Variants in HECW1 observed in about 807,000 individuals in gnomAD.
HECW1 encodes HECT, C2 and WW domain containing E3 ubiquitin protein ligase 1.
In HECW1, 61 loss-of-function variants were observed where a neutral mutation model predicts 182.3. That is an observed-to-expected ratio of 0.33 (90% CI 0.27 to 0.41). The LOEUF is 0.41. HECW1 is among the 10% of genes least tolerant of loss of function. HECW1 has a pLI of 1.00. For synonymous variants in HECW1, 859 were observed against 832.6 expected, an observed-to-expected ratio of 1.03 and a Z score of -0.55; for missense variants, 1,739 against 2,108.9, an observed-to-expected ratio of 0.82 and a Z score of 3.44.
At chr7:43,364,301 C>T (rs1816340214) in intron 6 of HECW1, among the ~76,000 whole-genome samples, 1 of 152,152 alleles carries the variant, frequency 6.6e-6, no homozygotes, top group Admixed American at 6.5e-5. Flanking sequence ...GTCCCATGGG[C>T]AACTGTTGAG....
chr7:43,171,078 G>A (rs566261722), intron 2 of HECW1, among the ~76,000 whole-genome samples: 148 of 152,292 alleles, frequency 9.7e-4, no homozygotes, highest in Non-Finnish European at 1.9e-3. Context: ...GCACAAGCAT[G>A]AAAATCCATG....
At chr7:43,202,993 G>A (rs530519859) in intron 2 of HECW1, among the ~76,000 whole-genome samples, 12 of 151,182 alleles carry the variant, frequency 7.9e-5, no homozygotes, top group Admixed American at 3.3e-4. Context: ...ATCTCCCTTC[G>A]CTGATTCTCT....
intron 2 of HECW1, among the ~76,000 whole-genome samples, chr7:43,220,228 C>A (rs1584031309): frequency 1.3e-5 from 2 of 152,302 alleles, no homozygotes; most frequent in Middle Eastern, 6.8e-3. Context: ...TCAGAACCTG[C>A]CAAAAGAAGA....
intron 23 of HECW1, 54 bp from the exon 24 acceptor site, chr7:43,508,915 T>A: frequency 6.3e-7 from 1 of 1,588,478 alleles, no homozygotes; most frequent in Non-Finnish European, 8.6e-7. Flanking sequence ...TGCAAACAGG[T>A]CCCCCCACCT....
intron 8 of HECW1, among the ~76,000 whole-genome samples, chr7:43,412,725 T>C (rs1353804193): frequency 2.0e-5 from 3 of 151,514 alleles, no homozygotes; most frequent in African/African-American, 7.3e-5. Context: ...GTTCTTGCGA[T>C]AGTTTACTGA....
chr7:43,223,111 G>T (rs932520901), intron 2 of HECW1, among the ~76,000 whole-genome samples: 9 of 152,168 alleles, frequency 5.9e-5, no homozygotes, highest in Non-Finnish European at 1.3e-4. Flanking sequence ...GTTAAAAAAT[G>T]AAGTCATCCT....
rs769168702 is a variant in HECW1 at position 43,469,046 on chromosome 7, G to T, written c.3040G>T (p.Ala1014Ser). The change falls in exon 16 of 30, where the codon GCA becomes TCA. Residue 1014 changes from alanine to serine, a missense_variant. By Grantham distance (99) the Ala-to-Ser change is moderately conservative. Coordinates refer to ENST00000395891, the MANE Select transcript of HECW1 (RefSeq NM_015052.5). The stretch of plus-strand genomic sequence containing the variant: ...CTTGGTGAATTTCATCAACATGTTC[G>T]CAGACACTCGGCTGGAACTGCCCCG... ...RDLVNFINMF[A>S]DTRLELPRGW... is the part of the protein sequence containing the mutation. 9 of 1,614,168 alleles carry T rather than the reference G, an allele frequency of 5.6e-6. No homozygotes were observed. In the Admixed American group the frequency reaches 1.0e-4, roughly 18 times the overall value.
intron 6 of HECW1, among the ~76,000 whole-genome samples, chr7:43,392,333 G>A (rs2075062419): frequency 6.6e-6 from 1 of 152,144 alleles, no homozygotes; most frequent in African/African-American, 2.4e-5. Flanking sequence ...AGCATAATGT[G>A]GCCACACTCC....
intron 29 of HECW1, among the ~76,000 whole-genome samples, chr7:43,557,446 G>A (rs1180146462): frequency 6.6e-6 from 1 of 152,174 alleles, no homozygotes; most frequent in Non-Finnish European, 1.5e-5. Flanking sequence ...GATGTGTGAG[G>A]GCCAGGAGAA....
intron 3 of HECW1, chr7:43,248,717 C>CTCCTTT (rs1238412724): frequency 1.3e-5 from 2 of 148,478 alleles, no homozygotes; most frequent in Non-Finnish European, 3.0e-5. Context: ...CCTCCTCCTC[C>CTCCTTT]TCCTCCTCCT....
chr7:43,346,306 G>T (rs558568879), intron 5 of HECW1, among the ~76,000 whole-genome samples: 31 of 152,132 alleles, frequency 2.0e-4, no homozygotes, highest in African/African-American at 6.3e-4. Flanking sequence ...TTTGAGAATT[G>T]TCTATTCACG....
intron 2 of HECW1, among the ~76,000 whole-genome samples, chr7:43,140,108 T>G (rs1788003550): frequency 7.3e-6 from 1 of 137,328 alleles, no homozygotes; most frequent in Admixed American, 7.2e-5. Context: ...TTAATATTTT[T>G]GATTATTTGT....
chr7:43,302,608 G>A (rs547412805), intron 3 of HECW1, among the ~76,000 whole-genome samples: 5 of 152,292 alleles, frequency 3.3e-5, no homozygotes, highest in South Asian at 4.1e-4. Context: ...TGCCCGGTAC[G>A]GGGCCGCCCC....
intron 7 of HECW1, among the ~76,000 whole-genome samples, chr7:43,399,118 T>C (rs1382316480): frequency 6.6e-6 from 1 of 152,252 alleles, no homozygotes; most frequent in Non-Finnish European, 1.5e-5. Context: ...TTTATAATCT[T>C]TTGACTAATT....
At chr7:43,281,756 A>G (rs1197281644) in intron 3 of HECW1, among the ~76,000 whole-genome samples, 4 of 133,906 alleles carry the variant, frequency 3.0e-5, no homozygotes, top group Admixed American at 1.7e-4. Context: ...ACAAGGTCTA[A>G]CTATGTTGCC....
At chr7:43,319,864 C>T (rs1352410910) in intron 4 of HECW1, among the ~76,000 whole-genome samples, 3 of 149,974 alleles carry the variant, frequency 2.0e-5, no homozygotes, top group Non-Finnish European at 4.4e-5. Context: ...CTTCCCACCT[C>T]GGCCTCTCAA....
At position 43,138,854 on chromosome 7, in the gene HECW1, G is replaced by A. The variant is rs9655440; in HGVS notation, c.-32+24463G>A. Among the ~76,000 whole-genome samples the A allele has an allele frequency of 9.7e-3, 1,472 of 152,248 alleles. 28 individuals are homozygous for A. Among genetic ancestry groups the A allele is most frequent in the African/African-American group, 0.034 (1,406 of 41,532 alleles). ...TTTTAAATGTCAGATAAAGAGGCCTGAACAAAGAGAAACAGATTTCTTTGC... is the reference window on the plus strand; with the variant it reads ...TTTTAAATGTCAGATAAAGAGGCCTAAACAAAGAGAAACAGATTTCTTTGC... On this transcript the variant is annotated intron_variant, in intron 2 of 29. Transcript: ENST00000395891.
chr7:43,469,696 C>CTGAAAACAAGAAGGATTTTTCCTA (rs1478010815), intron 16 of HECW1, among the ~76,000 whole-genome samples: 4 of 152,192 alleles, frequency 2.6e-5, no homozygotes, highest in African/African-American at 9.7e-5. Context: ...CCAGCTGAGT[C>CTGAAAACAAGAAGGATTTTTCCTA]TGAAAACAAG....
At chr7:43,166,573 C>G (rs1486647064) in intron 2 of HECW1, among the ~76,000 whole-genome samples, 1 of 152,194 alleles carries the variant, frequency 6.6e-6, no homozygotes, top group East Asian at 1.9e-4. Flanking sequence ...AGTCACATTA[C>G]AAGTAAAAGC....
Sources: gnomAD v4.1 joint callset for allele counts (sites outside exome capture counted in the v4.1 genomes callset) on GRCh38, gnomAD v4.1.1 for gene constraint, MANE v1.5 for transcripts, NCBI Gene and HGNC (gene_info 2026-07-23, HGNC 2026-07-21) for gene names.